RNF128: variants seen among roughly 807,000 people sequenced by gnomAD.
The protein encoded by RNF128 is ring finger protein 128, also known as E3 ubiquitin-protein ligase RNF128.
In RNF128, 13 loss-of-function variants were observed where a neutral mutation model predicts 26.2. That is an observed-to-expected ratio of 0.50 (90% CI 0.32 to 0.79). RNF128 has a LOEUF of 0.79. Among genes scored for constraint, RNF128 ranks in the 30% least tolerant of loss-of-function variants. RNF128 has a pLI of 0.03. For synonymous variants in RNF128, 149 were observed against 142.5 expected (o/e 1.05, Z -0.32); for missense variants, 315 against 349.7 (o/e 0.90, Z 0.79).
At chrX:106,770,540 C>T (rs1353090763) in intron 1 of RNF128, among the ~76,000 whole-genome samples, 2 of 111,414 alleles carry the variant, frequency 1.8e-5, no homozygotes, top group Admixed American at 9.6e-5. Flanking sequence ...TTGATCAAAT[C>T]GGCTACTGAA....
Position 106,708,225 on chromosome X carries a change from T to C in RNF128, c.406+13817T>C, listed in dbSNP as rs183066136. Among the ~76,000 whole-genome samples, 106 of 112,078 alleles carry C rather than the reference T, an allele frequency of 9.5e-4. 3 individuals carry two copies. The East Asian group carries it at 0.015, about 16-fold the overall frequency. On this transcript the variant is annotated intron_variant, in intron 1 of 6. Coordinates refer to the RNF128 transcript ENST00000324342. ...CCCCACAGCTATTTGATGTCTCATC[T>C]TTAGCTGGCAGTTGGAGACATGACT...
intron 1 of RNF128, among the ~76,000 whole-genome samples, chrX:106,745,954 A>T (rs1929788914): frequency 9.0e-6 from 1 of 111,498 alleles, no homozygotes; most frequent in African/African-American, 3.3e-5. Context: ...ATATAGGAGG[A>T]AAAGCCAAGC....
intron 1 of RNF128, among the ~76,000 whole-genome samples, chrX:106,702,049 C>T (rs1928966564): frequency 9.1e-6 from 1 of 110,009 alleles, no homozygotes; most frequent in Admixed American, 9.7e-5. Flanking sequence ...CTTACAATAA[C>T]AAATTATTTT....
chrX:106,770,356 A>T (rs1457615073), intron 1 of RNF128, among the ~76,000 whole-genome samples: 1 of 111,568 alleles, frequency 9.0e-6, no homozygotes, highest in South Asian at 3.8e-4. Flanking sequence ...ACGTGGTTCC[A>T]TTCTCCCCGT....
intron 6 of RNF128, among the ~76,000 whole-genome samples, chrX:106,793,399 TGACA>T (rs1930860823): frequency 9.0e-6 from 1 of 111,580 alleles, no homozygotes; most frequent in African/African-American, 3.3e-5. Context: ...TCAGACTGAC[TGACA>T]AAAACGTTTC....
intron 1 of RNF128, among the ~76,000 whole-genome samples, chrX:106,768,051 C>T (rs1278571300): frequency 4.5e-5 from 5 of 112,026 alleles, no homozygotes; most frequent in African/African-American, 1.6e-4. Flanking sequence ...AGCCTTGCAT[C>T]CCAGGGATGA....
chrX:106,770,796 C>T (rs971140026), intron 1 of RNF128, among the ~76,000 whole-genome samples: 6 of 112,049 alleles, frequency 5.4e-5, no homozygotes, highest in Non-Finnish European at 9.4e-5. Flanking sequence ...CTGTTGCTGG[C>T]GAGGAGCTGC....
At chrX:106,773,743 G>GTT (rs758681489) in intron 2 of RNF128, among the ~76,000 whole-genome samples, 23 of 110,661 alleles carry the variant, frequency 2.1e-4, no homozygotes, top group Admixed American at 8.7e-4. Context: ...TGTATAAAAA[G>GTT]GTACAAGGTA....
intron 1 of RNF128, among the ~76,000 whole-genome samples, chrX:106,701,813 A>G (rs1208049059): frequency 8.9e-6 from 1 of 111,781 alleles, no homozygotes; most frequent in East Asian, 2.8e-4. Flanking sequence ...ATGTAGAGAC[A>G]GATATAAAAT....
At chrX:106,787,890 C>T (rs1930684777) in intron 3 of RNF128, 28 bp from the exon 4 acceptor site, 5 of 1,055,770 alleles carry the variant, frequency 4.7e-6, no homozygotes, top group East Asian at 3.2e-5. Flanking sequence ...TCTTATCTGT[C>T]AGAGTAACAA....
chrX:106,708,857 G>T (rs996268963), intron 1 of RNF128, among the ~76,000 whole-genome samples: 19 of 112,159 alleles, frequency 1.7e-4, no homozygotes, highest in African/African-American at 6.1e-4. Flanking sequence ...AGGCTATATA[G>T]TAATGTAATC....
At chrX:106,709,039 T>C (rs1213265105) in intron 1 of RNF128, among the ~76,000 whole-genome samples, 1 of 111,670 alleles carries the variant, frequency 9.0e-6, no homozygotes, top group Non-Finnish European at 1.9e-5. Flanking sequence ...TTCTTTATCA[T>C]GGAATGAGTG....
chrX:106,730,111 C>A (rs189003259), intron 1 of RNF128, among the ~76,000 whole-genome samples: 2 of 112,210 alleles, frequency 1.8e-5, no homozygotes, highest in East Asian at 5.6e-4. Flanking sequence ...TGTCTATATT[C>A]CCACCTAACT....
chrX:106,704,323 C>T (rs1304674432), intron 1 of RNF128, among the ~76,000 whole-genome samples: 1 of 108,276 alleles, frequency 9.2e-6, no homozygotes, highest in Middle Eastern at 4.7e-3. Context: ...GTCCCAGCTA[C>T]TCGGGAGGCT....
At chrX:106,766,731 T>G (rs1015095796) in intron 1 of RNF128, among the ~76,000 whole-genome samples, 1 of 112,167 alleles carries the variant, frequency 8.9e-6, no homozygotes, top group Non-Finnish European at 1.9e-5. Context: ...AGATCCCATT[T>G]GTCAATTTTG....
intron 1 of RNF128, among the ~76,000 whole-genome samples, chrX:106,720,975 T>C (rs1390670757): frequency 8.9e-6 from 1 of 111,962 alleles, no homozygotes; most frequent in East Asian, 2.8e-4. Flanking sequence ...TCTGTAATTC[T>C]GTCCTTTCTT....
chrX:106,758,349 T>C (rs2147685870), intron 1 of RNF128, among the ~76,000 whole-genome samples: 1 of 112,016 alleles, frequency 8.9e-6, no homozygotes, highest in African/African-American at 3.2e-5. Context: ...AGGTTCATAC[T>C]ACCCAATGCA....
chrX:106,771,570 C>T (rs1230555669), intron 1 of RNF128, among the ~76,000 whole-genome samples: 1 of 112,940 alleles, frequency 8.9e-6, no homozygotes, highest in East Asian at 2.8e-4. Flanking sequence ...GGGTTATAAT[C>T]TCCTGGTGTG....
At chrX:106,775,438 G>A (rs908201636) in intron 2 of RNF128, among the ~76,000 whole-genome samples, 3 of 111,406 alleles carry the variant, frequency 2.7e-5, no homozygotes, top group African/African-American at 9.8e-5. Context: ...ATTTAGCTCT[G>A]GTCTACGCAT....
Sources: allele counts gnomAD v4.1 joint callset (sites outside exome capture counted in the v4.1 genomes callset), GRCh38; gene constraint gnomAD v4.1.1; transcripts MANE v1.5; gene names NCBI Gene and HGNC (gene_info 2026-07-23, HGNC 2026-07-21).